TUBA1C: variants seen among roughly 807,000 people sequenced by gnomAD.
TUBA1C encodes tubulin alpha 1c, also known as tubulin alpha-1C chain.
TUBA1C carries 16 observed loss-of-function variants against 34.9 expected under a neutral mutation model. That is an observed-to-expected ratio of 0.46 (90% CI 0.31 to 0.70). The LOEUF (loss-of-function observed/expected upper bound fraction) is 0.70. Ranked by LOEUF, TUBA1C falls within the 30% of genes least tolerant of loss-of-function variation. The pLI is 0.05. For synonymous variants in TUBA1C, 177 were observed against 215.9 expected (o/e 0.82, Z 1.58); for missense variants, 329 against 587.3 (o/e 0.56, Z 4.55).
At chr12:49,258,223 T>C (rs1942806423) in intron 1 of TUBA1C, among the ~76,000 whole-genome samples, 1 of 152,086 alleles carries the variant, frequency 6.6e-6, no homozygotes, top group Admixed American at 6.6e-5. Context: ...AAACATGTTT[T>C]CAAGTTTAAT....
intron 1 of TUBA1C, chr12:49,256,263 A>AT (rs1013002782): frequency 4.1e-4 from 138 of 333,214 alleles, no homozygotes; most frequent in Non-Finnish European, 5.5e-4. Flanking sequence ...TTCCAGGATA[A>AT]TTTTTTTTTC....
intron 1 of TUBA1C, among the ~76,000 whole-genome samples, chr12:49,229,380 C>T (rs1942471825): frequency 6.6e-6 from 1 of 152,168 alleles, no homozygotes; most frequent in Non-Finnish European, 1.5e-5. Context: ...ACCATCTTGG[C>T]CAGGCTGATC....
chr12:49,236,684 G>T (rs1942558596), intron 1 of TUBA1C, among the ~76,000 whole-genome samples: 1 of 152,182 alleles, frequency 6.6e-6, no homozygotes, highest in Non-Finnish European at 1.5e-5. Context: ...AACATAGAGT[G>T]CACATACACA....
chr12:49,273,187 C>T lies in TUBA1C; in HGVS notation c.1310C>T (p.Ala437Val), dbSNP rs781287303. 2 of 1,614,186 alleles carry T rather than the reference C, an allele frequency of 1.2e-6. No homozygotes were observed. Among genetic ancestry groups the T allele is most frequent in the Non-Finnish European group, 1.7e-6 (2 of 1,180,038 alleles). The change falls in exon 4 of 4, where the codon GCA (alanine) becomes GTA (valine). Residue 437 changes from alanine (A) to valine (V), a missense_variant. Transcript: ENST00000301072. ...GAGAAGGATTATGAGGAGGTTGGAG[C>T]AGATAGTGCTGACGGAGAGGATGAG... Reference protein sequence around the residue: ...ALEKDYEEVGADSADGEDEGE... With the variant: ...ALEKDYEEVGVDSADGEDEGE...
rs869028916 is a variant in TUBA1C at position 49,274,285 on chromosome 12, A to ATTTTTTTTTTTTTTTTTTTTT, written c.*1067_*1087dup. On this transcript the variant is annotated 3_prime_UTR_variant, in exon 4 of 4. Coordinates refer to ENST00000301072, the MANE Select transcript of TUBA1C (RefSeq NM_032704.5). ...CCACCATGCCTGGCTGATTCTTGTA[A>ATTTTTTTTTTTTTTTTTTTTT]TTTTTTTTTTTTTTTTTTTTTTTTT... 1 of 69,696 alleles carries ATTTTTTTTTTTTTTTTTTTTT rather than the reference A, an allele frequency of 1.4e-5. No homozygotes were observed. Among genetic ancestry groups the ATTTTTTTTTTTTTTTTTTTTT allele is most frequent in the African/African-American group, 7.0e-5 (1 of 14,318 alleles). The allele number at this position is 69,696 out of a possible 1,614,324, so 4.3% of individuals were successfully genotyped here.
Position 49,269,647 on chromosome 12 carries a change from G to A in TUBA1C, c.186G>A (p.Val62=). The A allele has an allele frequency of 6.2e-7, 1 of 1,614,202 alleles. No individual in the cohort carries two copies. Residue 62 remains valine, a synonymous_variant, in exon 2 of 4, where the codon GTG becomes GTA. Transcript: ENST00000301072. The part of the protein sequence containing the change: ...FFSETGAGKH[V]PRAVFVDLEP... The stretch of plus-strand genomic sequence containing the variant: ...GTGAAACGGGTGCTGGCAAGCATGT[G>A]CCCCGGGCAGTGTTTGTAGACTTGG...
At chr12:49,230,439 C>T (rs899094305) in intron 1 of TUBA1C, among the ~76,000 whole-genome samples, 3 of 152,152 alleles carry the variant, frequency 2.0e-5, no homozygotes, top group South Asian at 2.1e-4. Flanking sequence ...GATTCGTTCC[C>T]TCTCTGCCTC....
intron 1 of TUBA1C, among the ~76,000 whole-genome samples, chr12:49,242,836 C>T (rs1009045305): frequency 6.6e-6 from 1 of 151,962 alleles, no homozygotes; most frequent in African/African-American, 2.4e-5. Flanking sequence ...CAGGGTCTTA[C>T]TCTGTTGCCC....
chr12:49,265,957 T>TA (rs35622750), intron 1 of TUBA1C, among the ~76,000 whole-genome samples: 21,180 of 90,260 alleles, frequency 0.23, 2,894 homozygotes, highest in East Asian at 0.54. Context: ...GTCTCTACTT[T>TA]AAAAAAAAAA....
At chr12:49,263,850 C>A (rs918227000), upstream of TUBA1C, among the ~76,000 whole-genome samples, 6 of 152,178 alleles carry the variant, frequency 3.9e-5, no homozygotes, top group South Asian at 1.2e-3. Flanking sequence ...CGGAGCTCTA[C>A]TTTCCTCATC....
At chr12:49,264,892 C>T (rs188819083), upstream of TUBA1C, 30 of 201,114 alleles carry the variant, frequency 1.5e-4, no homozygotes, top group African/African-American at 5.7e-4. Flanking sequence ...TGGCTCCTTC[C>T]GACGAGTTTG....
chr12:49,265,841 A>G (rs888020451), intron 1 of TUBA1C, among the ~76,000 whole-genome samples: 9 of 152,104 alleles, frequency 5.9e-5, no homozygotes, highest in African/African-American at 1.9e-4. Context: ...AAACACGTCC[A>G]CAAAAGGATA....
chr12:49,240,727 A>G (rs1047783132), intron 1 of TUBA1C, among the ~76,000 whole-genome samples: 1 of 152,154 alleles, frequency 6.6e-6, no homozygotes, highest in Admixed American at 6.6e-5. Flanking sequence ...AGCTGGCACT[A>G]CAGGCGTGCA....
At chr12:49,258,488 T>A (rs1174817261) in intron 1 of TUBA1C, among the ~76,000 whole-genome samples, 1 of 151,606 alleles carries the variant, frequency 6.6e-6, no homozygotes, top group Non-Finnish European at 1.5e-5. Flanking sequence ...AGTGAACTGG[T>A]GTGATCTGGG....
chr12:49,253,115 AGGAGAGT>A (rs1942747688), intron 1 of TUBA1C, among the ~76,000 whole-genome samples: 1 of 150,340 alleles, frequency 6.7e-6, no homozygotes, highest in South Asian at 2.1e-4. Flanking sequence ...AAAGACTTTC[AGGAGAGT>A]GGGAAAGTGA....
chr12:49,229,619 AC>A (rs1398780513), intron 1 of TUBA1C, among the ~76,000 whole-genome samples: 13 of 151,744 alleles, frequency 8.6e-5, no homozygotes, highest in Non-Finnish European at 1.3e-4. Context: ...CCCCAAAGAA[AC>A]CCCTGTTAAC....
intron 3 of TUBA1C, 148 bp from the exon 4 acceptor site, chr12:49,272,105 G>A (rs1942998955): frequency 1.4e-6 from 2 of 1,385,496 alleles, no homozygotes; most frequent in Admixed American, 2.8e-5. Flanking sequence ...GTTGATTACA[G>A]GCGTGAGCCA....
At position 49,265,162 on chromosome 12, in the gene TUBA1C, G is replaced by A; in HGVS notation, c.-20G>A. ...TCCCTTCGCCTCCTTCACCGCCGCAGACCCCTTCAAGTTCTAGTCATGGTG... is the reference window on the plus strand; with the variant it reads ...TCCCTTCGCCTCCTTCACCGCCGCAAACCCCTTCAAGTTCTAGTCATGGTG... On this transcript the variant is annotated 5_prime_UTR_variant, in exon 1 of 4. Transcript: ENST00000301072. 1.9e-6 allele frequency: 3 copies of A among 1,603,530 alleles called. No homozygotes were observed. The highest frequency in any genetic ancestry group is 2.6e-6 in the Non-Finnish European group (3 of 1,172,832).
At chr12:49,230,918 A>C (rs1942489595) in intron 1 of TUBA1C, among the ~76,000 whole-genome samples, 1 of 152,174 alleles carries the variant, frequency 6.6e-6, no homozygotes, top group Non-Finnish European at 1.5e-5. Context: ...GCGTAATCCT[A>C]ATAGTAATAC....
Sources: allele counts gnomAD v4.1 joint callset (sites outside exome capture counted in the v4.1 genomes callset), GRCh38; gene constraint gnomAD v4.1.1; transcripts MANE v1.5; gene names NCBI Gene and HGNC (gene_info 2026-07-23, HGNC 2026-07-21).